The following CEP126 variants were observed in gnomAD, a reference collection of about 807,000 sequenced individuals.
The protein encoded by CEP126 is centrosomal protein 126.
A neutral mutation model predicts 107.8 loss-of-function variants in CEP126; 74 were observed. The ratio of observed to expected loss-of-function variants is 0.69; its 90% CI spans 0.57 to 0.83. CEP126 has a LOEUF of 0.83. Among genes scored for constraint, CEP126 ranks in the 40% least tolerant of loss-of-function variants. The pLI is 0.00. For synonymous variants in CEP126, 449 were observed against 446.0 expected (o/e 1.01, Z -0.08); for missense variants, 1,237 against 1,281.9 (o/e 0.96, Z 0.53).
At position 101,998,610 on chromosome 11, in the gene CEP126, A is replaced by AAAAAAAAAAAAAT. The variant is rs1941471121; in HGVS notation, c.*967_*968insAAAAAAAAAAAAT. On this transcript the variant is annotated 3_prime_UTR_variant, in exon 11 of 11. Coordinates refer to ENST00000263468, the MANE Select transcript of CEP126 (RefSeq NM_020802.4). The stretch of plus-strand genomic sequence containing the variant: ...CCAGCCTCAAAAAAAAAAAAAAAAA[A>AAAAAAAAAAAAAT]GTGATGAATCAAAATTAGAAATTAA... 9.4e-5 allele frequency: 14 copies of AAAAAAAAAAAAAT among 148,236 alleles called. No homozygotes were observed. Among genetic ancestry groups the AAAAAAAAAAAAAT allele is most frequent in the Non-Finnish European group, 1.3e-4 (9 of 66,994 alleles). The allele number at this position is 148,236 out of a possible 1,614,324, so 9.2% of individuals were successfully genotyped here.
At chr11:101,942,387 T>G (rs1285246136) in intron 2 of CEP126, among the ~76,000 whole-genome samples, 1 of 152,044 alleles carries the variant, frequency 6.6e-6, no homozygotes, top group African/African-American at 2.4e-5. Context: ...CCTTTTCTCA[T>G]TAGATGGTTT....
At chr11:101,952,966 T>C (rs1205388490) in intron 4 of CEP126, among the ~76,000 whole-genome samples, 14 of 152,224 alleles carry the variant, frequency 9.2e-5, no homozygotes, top group Admixed American at 9.2e-4. Flanking sequence ...GGAATCCTTA[T>C]AGAAGGCCAC....
chr11:101,915,864 GC>G (rs373491435), intron 1 of CEP126, among the ~76,000 whole-genome samples: 140 of 152,338 alleles, frequency 9.2e-4, no homozygotes, highest in African/African-American at 3.2e-3. Flanking sequence ...TACCAGAGCT[GC>G]TAAAGGCTAC....
chr11:101,987,107 C>A, intron 9 of CEP126, 66 bp downstream of exon 9: 1 of 1,146,844 alleles, frequency 8.7e-7, no homozygotes, highest in East Asian at 2.6e-5. Context: ...TTAATTTAAA[C>A]TTTAATTTAA....
At chr11:101,952,731 T>TA (rs1382717041) in intron 4 of CEP126, among the ~76,000 whole-genome samples, 1 of 152,142 alleles carries the variant, frequency 6.6e-6, no homozygotes, top group Non-Finnish European at 1.5e-5. Context: ...TTGAGACACT[T>TA]ATGAGATATT....
At chr11:101,929,943 T>C (rs1309735475) in intron 2 of CEP126, among the ~76,000 whole-genome samples, 2 of 150,882 alleles carry the variant, frequency 1.3e-5, no homozygotes, top group Non-Finnish European at 2.9e-5. Context: ...TTCCTTATCC[T>C]GAGGCTAGAG....
At chr11:101,932,102 A>G (rs1302620521) in intron 2 of CEP126, among the ~76,000 whole-genome samples, 3 of 152,214 alleles carry the variant, frequency 2.0e-5, no homozygotes, top group African/African-American at 7.2e-5. Context: ...GAATTCTACA[A>G]TGGTAGAAAA....
intron 6 of CEP126, among the ~76,000 whole-genome samples, chr11:101,973,566 T>C (rs1205277971): frequency 6.6e-6 from 1 of 152,178 alleles, no homozygotes; most frequent in African/African-American, 2.4e-5. Flanking sequence ...CGGGGCTTAA[T>C]ACCTAGGTGA....
At position 101,963,625 on chromosome 11, in the gene CEP126, G is replaced by T. The variant is rs1193334741; in HGVS notation, c.2590G>T (p.Ala864Ser). Residue 864 changes from alanine (A) to serine (S), a missense_variant, in exon 6 of 11, where the codon GCT (alanine) becomes TCT (serine). Ala to Ser is a moderately conservative substitution (Grantham distance 99). Transcript: ENST00000263468. ...NQESSSPLSN[A>S]CSDLVTVIPS... ...GGAAAGTAGTTCTCCACTCTCAAAT[G>T]CTTGTTCTGACCTAGTCACTGTGAT... The T allele has an allele frequency of 1.2e-6, 2 of 1,614,108 alleles. No homozygotes were observed. The highest frequency in any genetic ancestry group is 1.6e-4 in the Middle Eastern group (1 of 6,062).
Position 101,915,227 on chromosome 11 carries a change from C to T in CEP126, c.-58C>T, listed in dbSNP as rs1425496818. The stretch of plus-strand genomic sequence containing the variant: ...GGGCCGAGCAGGAGGAGGAGGAAGC[C>T]GGAGCTGCCATGAGGGAGGTTCTGG... On this transcript the variant is annotated 5_prime_UTR_variant, in exon 1 of 11. Coordinates refer to ENST00000263468, the MANE Select transcript of CEP126 (RefSeq NM_020802.4). The T allele has an allele frequency of 2.5e-6, 4 of 1,602,934 alleles. No homozygotes were observed. The highest frequency in any genetic ancestry group is 2.0e-4 in the Middle Eastern group (1 of 4,962).
intron 7 of CEP126, 116 bp from the exon 8 acceptor site, chr11:101,981,773 A>G (rs1429925933): frequency 6.7e-6 from 4 of 594,332 alleles, no homozygotes; most frequent in African/African-American, 3.8e-5. Flanking sequence ...TACAAGTTAC[A>G]TGAACAATTG....
Position 101,962,006 on chromosome 11 carries a change from T to A in CEP126, c.971T>A (p.Val324Asp), listed in dbSNP as rs1332721578. Residue 324 changes from valine (V) to aspartate (D), a missense_variant, in exon 6 of 11, where the codon GTC becomes GAC. Val to Asp is a radical substitution (Grantham distance 152, BLOSUM62 -3). Transcript: ENST00000263468. ...TNLDASNTQN[V>D]TAFSDILSKS... ...TTAGATGCTTCAAATACTCAGAATG[T>A]CACAGCTTTCTCAGATATTTTAAGT... The A allele has an allele frequency of 6.2e-7, 1 of 1,612,758 alleles. No homozygotes were observed. The highest frequency in any genetic ancestry group is 2.2e-5 in the East Asian group (1 of 44,874).
chr11:101,979,472 G>T (rs550046311), intron 7 of CEP126, among the ~76,000 whole-genome samples: 4 of 152,254 alleles, frequency 2.6e-5, no homozygotes, highest in African/African-American at 9.6e-5. Context: ...TAATGGCCAG[G>T]CGTGGTGGCT....
At chr11:101,915,850 C>CATTT (rs1174509251) in intron 1 of CEP126, among the ~76,000 whole-genome samples, 1 of 152,212 alleles carries the variant, frequency 6.6e-6, no homozygotes, top group African/African-American at 2.4e-5. Context: ...GCCCTAAATG[C>CATTT]ATTTACCAGA....
chr11:101,987,883 A>G (rs1435165724), intron 9 of CEP126, among the ~76,000 whole-genome samples: 4 of 152,194 alleles, frequency 2.6e-5, no homozygotes, highest in African/African-American at 9.6e-5. Flanking sequence ...TGGGAAAAGT[A>G]CATTTATGTA....
intron 9 of CEP126, among the ~76,000 whole-genome samples, chr11:101,987,753 G>A (rs1941332312): frequency 6.6e-6 from 1 of 151,698 alleles, no homozygotes; most frequent in Non-Finnish European, 1.5e-5. Flanking sequence ...TAGAATCACA[G>A]TCTAATACAA....
chr11:101,993,409 C>T lies in CEP126; in HGVS notation c.3309+567C>T, dbSNP rs571885177. On this transcript the variant is annotated intron_variant, in intron 10 of 10. Transcript: ENST00000263468. ...ATGATCTTGGTCTTTTTTATGGCTG[C>T]ATAGTATTCCATGGTGTATATGTAC... Among the ~76,000 whole-genome samples the T allele has an allele frequency of 2.1e-3, 319 of 152,296 alleles. 2 individuals carry two copies. Among genetic ancestry groups the T allele is most frequent in the South Asian group, 6.0e-3 (29 of 4,826 alleles).
At chr11:101,995,474 C>G (rs1565372373) in intron 10 of CEP126, among the ~76,000 whole-genome samples, 2 of 152,122 alleles carry the variant, frequency 1.3e-5, no homozygotes. Context: ...CTGAAGAATT[C>G]AAATGGGAAG....
chr11:101,923,200 GA>G (rs1266660902), intron 2 of CEP126, among the ~76,000 whole-genome samples: 3 of 151,974 alleles, frequency 2.0e-5, no homozygotes, highest in African/African-American at 4.8e-5. Context: ...TGAAAAATTG[GA>G]AAAAATATGA....
Sources: gnomAD v4.1 joint callset for allele counts (sites outside exome capture counted in the v4.1 genomes callset) on GRCh38, gnomAD v4.1.1 for gene constraint, MANE v1.5 for transcripts, NCBI Gene and HGNC (gene_info 2026-07-23, HGNC 2026-07-21) for gene names.